The following PKD1L3 variants were observed in gnomAD, a reference collection of about 807,000 sequenced individuals.
PKD1L3 encodes the protein polycystin 1 like 3, transient receptor potential channel interacting.
In PKD1L3, 239 loss-of-function variants were observed where a neutral mutation model predicts 184.1. The ratio of observed to expected loss-of-function variants is 1.30; its 90% CI spans 1.17 to 1.45. The LOEUF is 1.45. Ranked by LOEUF, PKD1L3 falls within the 40% of genes most tolerant of loss-of-function variation. The pLI is 0.00. For missense variants in PKD1L3, 2,660 were observed against 2,067.2 expected (o/e 1.29, Z -5.56); for synonymous variants, 996 against 778.8 (o/e 1.28, Z -4.64).
intron 17 of PKD1L3, among the ~76,000 whole-genome samples, chr16:71,953,755 G>A (rs1002593567): frequency 6.6e-6 from 1 of 152,134 alleles, no homozygotes. Flanking sequence ...GGGAGAAACT[G>A]CCCCCATGAT....
chr16:71,967,369 G>A (rs1397836184), intron 14 of PKD1L3, 54 bp from the exon 15 acceptor site: 4 of 1,475,158 alleles, frequency 2.7e-6, no homozygotes, highest in Non-Finnish European at 3.6e-6. Flanking sequence ...CAATTCTTTG[G>A]GTTTATCCCT....
intron 5 of PKD1L3, among the ~76,000 whole-genome samples, chr16:71,985,996 C>T (rs191247955): frequency 6.6e-6 from 1 of 152,164 alleles, no homozygotes; most frequent in Admixed American, 6.5e-5. Flanking sequence ...CCATCTGAAG[C>T]ATTAAATAGA....
At chr16:71,989,069 G>T (rs1296293902) in intron 4 of PKD1L3, among the ~76,000 whole-genome samples, 1 of 152,206 alleles carries the variant, frequency 6.6e-6, no homozygotes, top group Non-Finnish European at 1.5e-5. Context: ...CAATATAGCA[G>T]AGTGGCATAT....
chr16:71,983,663 C>CTTTTTTTT (rs1180950058), intron 6 of PKD1L3, among the ~76,000 whole-genome samples: 17 of 100,324 alleles, frequency 1.7e-4, no homozygotes, highest in African/African-American at 3.5e-4. Flanking sequence ...GATTCTCTTT[C>CTTTTTTTT]TTTTTTTTTT....
At chr16:71,951,831 TTCG>T (rs1223721945) in intron 18 of PKD1L3, 87 bp from the exon 19 acceptor site, 51 of 1,261,116 alleles carry the variant, frequency 4.0e-5, no homozygotes, top group Non-Finnish European at 3.3e-6. Context: ...GCCGTTCCCT[TTCG>T]TCAGAAGGGG....
chr16:71,944,953 G>A (rs936748460), intron 22 of PKD1L3, among the ~76,000 whole-genome samples: 4 of 150,034 alleles, frequency 2.7e-5, no homozygotes, highest in Non-Finnish European at 4.4e-5. Context: ...CCGAGACCCT[G>A]TCTCTTAAAA....
At chr16:71,957,478 A>G (rs1350542023) in intron 16 of PKD1L3, among the ~76,000 whole-genome samples, 1 of 152,140 alleles carries the variant, frequency 6.6e-6, no homozygotes, top group Non-Finnish European at 1.5e-5. Context: ...GACATAATTT[A>G]GATATGAAGA....
intron 24 of PKD1L3, among the ~76,000 whole-genome samples, chr16:71,939,008 G>T (rs1243820046): frequency 6.6e-6 from 1 of 152,234 alleles, no homozygotes; most frequent in Non-Finnish European, 1.5e-5. Context: ...CCCTTTGGGG[G>T]AGCCCAGACC....
intron 16 of PKD1L3, 108 bp from the exon 17 acceptor site, chr16:71,954,409 C>A (rs2143421521): frequency 1.4e-6 from 1 of 714,136 alleles, no homozygotes. Context: ...TCCCAAGCCT[C>A]TATTCAACAC....
intron 21 of PKD1L3, among the ~76,000 whole-genome samples, chr16:71,948,080 A>C (rs1436081832): frequency 6.6e-6 from 1 of 151,384 alleles, no homozygotes. Context: ...CACCCAGTTT[A>C]TTTTATTATT....
chr16:71,991,072 G>A (rs543449725), intron 3 of PKD1L3: 1 of 153,796 alleles, frequency 6.5e-6, no homozygotes, highest in East Asian at 1.9e-4. Flanking sequence ...GCTTGAAAAG[G>A]TAAGATGACA....
At chr16:71,946,144 G>C (rs2038595380) in intron 22 of PKD1L3, among the ~76,000 whole-genome samples, 1 of 152,134 alleles carries the variant, frequency 6.6e-6, no homozygotes, top group Admixed American at 6.5e-5. Context: ...TTTTAGTAGA[G>C]ACAGGGTTTC....
rs113600077 is a variant in PKD1L3 at position 71,991,584 on chromosome 16, T to A, written c.536-1255A>T. Among the ~76,000 whole-genome samples, 421 of 152,194 alleles carry A rather than the reference T, an allele frequency of 2.8e-3. 1 individual carries two copies. Among genetic ancestry groups the A allele is most frequent in the Non-Finnish European group, 4.9e-3 (331 of 67,996 alleles). On this transcript the variant is annotated intron_variant, in intron 3 of 29. Transcript: ENST00000620267. ...TCCTAACAACAAAAAGGGTGATAAA[T>A]ACGAAACCATTCTTTTTCATTTAAA...
intron 27 of PKD1L3, 94 bp downstream of exon 27, chr16:71,933,821 T>A (rs1474902771): frequency 7.3e-7 from 1 of 1,365,724 alleles, no homozygotes; most frequent in Admixed American, 2.1e-5. Context: ...CTGTACCACC[T>A]CGGGTTTCTG....
chr16:71,949,951 G>A lies in PKD1L3; in HGVS notation c.3450C>T (p.Ser1150=), dbSNP rs2038764847. 5 of 1,551,670 alleles carry A rather than the reference G, an allele frequency of 3.2e-6. No individual in the cohort carries two copies. The highest frequency in any genetic ancestry group is 1.2e-5 in the South Asian group (1 of 84,060). Residue 1150 remains serine, a synonymous_variant, in exon 21 of 30, where the codon TCC becomes TCT. Transcript: ENST00000620267. The part of the protein sequence containing the change: ...EGKKPISNGL[S]KWLTSVCWLL... Reference sequence around the variant, plus strand: ...GCCAGCAGACTGAAGTCAACCATTTGGACAGGCCATTTGAGATGGGCTTTT... The same window carrying A: ...GCCAGCAGACTGAAGTCAACCATTTAGACAGGCCATTTGAGATGGGCTTTT...
At chr16:71,966,999 C>T (rs1027121825) in intron 15 of PKD1L3, 138 bp downstream of exon 15, 2 of 993,404 alleles carry the variant, frequency 2.0e-6, no homozygotes, top group African/African-American at 3.3e-5. Context: ...TCTGTGTAGA[C>T]AGCTTTGAAA....
intron 14 of PKD1L3, among the ~76,000 whole-genome samples, chr16:71,967,583 A>G (rs769506785): frequency 2.0e-5 from 3 of 151,426 alleles, no homozygotes; most frequent in Non-Finnish European, 4.4e-5. Context: ...TCGTGCCTCA[A>G]CCTCCTGAGT....
intron 28 of PKD1L3, among the ~76,000 whole-genome samples, chr16:71,933,018 G>A (rs1002098900): frequency 4.0e-5 from 6 of 151,850 alleles, no homozygotes; most frequent in African/African-American, 1.5e-4. Flanking sequence ...TCAAATTCTT[G>A]GCCTCAAGCA....
chr16:71,946,066 C>A (rs1297181702), intron 22 of PKD1L3, among the ~76,000 whole-genome samples: 1 of 152,178 alleles, frequency 6.6e-6, no homozygotes, highest in Non-Finnish European at 1.5e-5. Context: ...TCAAGCGATT[C>A]TCCTGCCTCA....
Sources: gnomAD v4.1 joint callset for allele counts (sites outside exome capture counted in the v4.1 genomes callset) on GRCh38, gnomAD v4.1.1 for gene constraint, MANE v1.5 for transcripts, NCBI Gene and HGNC (gene_info 2026-07-23, HGNC 2026-07-21) for gene names.